Variants in INSL6 observed in about 807,000 individuals in gnomAD.
The protein encoded by INSL6 is insulin like 6, also known as insulin-like peptide INSL6.
INSL6 carries 16 observed loss-of-function variants against 9.4 expected under a neutral mutation model. The ratio of observed to expected loss-of-function variants is 1.70; its 90% CI spans 1.15 to 2.59. The LOEUF (loss-of-function observed/expected upper bound fraction) is 2.59. Among genes scored for constraint, INSL6 ranks in the 30% most tolerant of loss-of-function variants. The pLI is 0.00. For synonymous variants in INSL6, 154 were observed against 96.9 expected (o/e 1.59, Z -3.46); for missense variants, 391 against 257.3 (o/e 1.52, Z -3.56).
the INSL6 span, among the ~76,000 whole-genome samples, chr9:5,024,580 A>G: frequency 6.6e-6 from 1 of 152,088 alleles, no homozygotes; most frequent in East Asian, 1.9e-4. Context: ...CTACTCTCCA[A>G]TACATAGAAA....
intron 2 of INSL6, among the ~76,000 whole-genome samples, chr9:5,147,858 G>T (rs1339134466): frequency 2.0e-5 from 3 of 152,162 alleles, no homozygotes; most frequent in African/African-American, 7.2e-5. Context: ...ATTGTATTAT[G>T]AAATTCCTGT....
At chr9:5,020,836 A>G in the INSL6 span, among the ~76,000 whole-genome samples, 1 of 151,914 alleles carries the variant, frequency 6.6e-6, no homozygotes, top group Non-Finnish European at 1.5e-5. Flanking sequence ...GTGGGGCTCT[A>G]GGGGTGTGGA....
chr9:5,062,500 T>TAAAAAAA, the INSL6 span, among the ~76,000 whole-genome samples: 44 of 58,246 alleles, frequency 7.6e-4, 8 homozygotes, highest in African/African-American at 4.1e-3. Context: ...CTTCCATTTG[T>TAAAAAAA]AAAAAAAAAA....
the INSL6 span, among the ~76,000 whole-genome samples, chr9:5,051,865 CTTGT>C: frequency 1.9e-4 from 29 of 151,932 alleles, no homozygotes; most frequent in East Asian, 5.6e-3. Context: ...TTTAAATATT[CTTGT>C]TTTACTTTCA....
the INSL6 span, chr9:5,097,481 C>G: frequency 6.6e-6 from 1 of 152,116 alleles, no homozygotes; most frequent in Non-Finnish European, 1.5e-5. Flanking sequence ...ATAGTATGAG[C>G]CATAATATCT....
chr9:5,176,599 C>T (rs557508833), intron 1 of INSL6, among the ~76,000 whole-genome samples: 30 of 151,982 alleles, frequency 2.0e-4, no homozygotes. Context: ...AAAAAAAAAT[C>T]TCTTAGCAAG....
chr9:5,174,766 T>G (rs1825259913), intron 1 of INSL6, among the ~76,000 whole-genome samples: 1 of 152,166 alleles, frequency 6.6e-6, no homozygotes, highest in Non-Finnish European at 1.5e-5. Flanking sequence ...CATTAATGTT[T>G]CAAACTCAAC....
At chr9:5,089,650 A>G in the INSL6 span, 1 of 1,273,340 alleles carries the variant, frequency 7.9e-7, no homozygotes, top group Non-Finnish European at 1.0e-6. Flanking sequence ...TGGTATTTCC[A>G]TCCTAATGTG....
At chr9:5,055,699 A>G in the INSL6 span, 2 of 1,584,982 alleles carry the variant, frequency 1.3e-6, no homozygotes, top group Non-Finnish European at 1.7e-6. Flanking sequence ...TTTTCCTAAT[A>G]TTATTGATGT....
the INSL6 span, chr9:5,054,572 A>G: frequency 6.3e-7 from 1 of 1,582,820 alleles, no homozygotes. The surrounding 1 kb of genome is among the most constrained non-coding windows in gnomAD (Gnocchi z 4.9). Context: ...GCTACAAGAC[A>G]TTCTTACCAA....
chr9:5,065,320 G>A, the INSL6 span, among the ~76,000 whole-genome samples: 2 of 152,220 alleles, frequency 1.3e-5, no homozygotes, highest in African/African-American at 4.8e-5. Flanking sequence ...AAAAAAGAAA[G>A]ATCTCCAATT....
At chr9:5,093,322 G>C in the INSL6 span, among the ~76,000 whole-genome samples, 1 of 152,158 alleles carries the variant, frequency 6.6e-6, no homozygotes, top group Non-Finnish European at 1.5e-5. Flanking sequence ...AGTATTAGAG[G>C]CACTGCCTGC....
At chr9:5,112,967 T>C in the INSL6 span, 15 of 199,566 alleles carry the variant, frequency 7.5e-5, no homozygotes, top group Admixed American at 1.8e-4. Flanking sequence ...GTTGTCAGCA[T>C]TGAGCCAACA....
chr9:5,083,815 C>A, the INSL6 span, among the ~76,000 whole-genome samples: 1 of 152,044 alleles, frequency 6.6e-6, no homozygotes, highest in Admixed American at 6.5e-5. Context: ...TGATATACTG[C>A]TTATAGAGAA....
At chr9:5,182,834 C>T (rs2130924137) in intron 1 of INSL6, among the ~76,000 whole-genome samples, 1 of 152,080 alleles carries the variant, frequency 6.6e-6, no homozygotes, top group South Asian at 2.1e-4. Context: ...TTCATGGTGC[C>T]ACATTACGGG....
chr9:5,055,295 G>T, the INSL6 span, among the ~76,000 whole-genome samples: 3 of 151,946 alleles, frequency 2.0e-5, no homozygotes, highest in Non-Finnish European at 4.4e-5. Context: ...TGCAAGTTTT[G>T]AATTTGTTAA....
the INSL6 span, among the ~76,000 whole-genome samples, chr9:4,993,227 C>G: frequency 6.6e-6 from 1 of 152,110 alleles, no homozygotes; most frequent in East Asian, 1.9e-4. Context: ...GGGACAACAC[C>G]CTTAAGATCC....
At chr9:5,062,723 C>T in the INSL6 span, among the ~76,000 whole-genome samples, 1 of 152,012 alleles carries the variant, frequency 6.6e-6, no homozygotes, top group South Asian at 2.1e-4. Flanking sequence ...GTATCCTTTG[C>T]CAACACTGGA....
chr9:5,029,875 T>C, the INSL6 span: 1 of 1,612,410 alleles, frequency 6.2e-7, no homozygotes, highest in Non-Finnish European at 8.5e-7. Flanking sequence ...TATAGATGAG[T>C]CAACCAGGCA....
Sources: gnomAD v4.1 joint callset for allele counts (sites outside exome capture counted in the v4.1 genomes callset) on GRCh38, gnomAD v4.1.1 for gene constraint, Gnocchi (gnomAD v3.1) non-coding constraint, MANE v1.5 for transcripts, NCBI Gene and HGNC (gene_info 2026-07-23, HGNC 2026-07-21) for gene names.